The following ADAMTS3 variants were observed in gnomAD, a reference collection of about 807,000 sequenced individuals.
ADAMTS3 encodes the protein ADAM metallopeptidase with thrombospondin type 1 motif 3.
A neutral mutation model predicts 129.0 loss-of-function variants in ADAMTS3; 73 were observed. That is an observed-to-expected ratio of 0.57 (90% CI 0.47 to 0.69). The LOEUF (loss-of-function observed/expected upper bound fraction) is 0.69. ADAMTS3 is among the 30% of genes least tolerant of loss of function. ADAMTS3 has a pLI of 0.00. For synonymous variants in ADAMTS3, 477 were observed against 510.8 expected (o/e 0.93, Z 0.89); for missense variants, 1,457 against 1,514.5 (o/e 0.96, Z 0.63).
intron 3 of ADAMTS3, among the ~76,000 whole-genome samples, chr4:72,533,962 T>G (rs975221581): frequency 2.0e-5 from 3 of 152,184 alleles, no homozygotes; most frequent in African/African-American, 7.2e-5. Flanking sequence ...GGTGCTTTGA[T>G]CTCTTCCTCG....
intron 3 of ADAMTS3, among the ~76,000 whole-genome samples, chr4:72,489,716 T>C (rs1719690801): frequency 6.6e-6 from 1 of 151,932 alleles, no homozygotes; most frequent in South Asian, 2.1e-4. Context: ...TTATTAGTTA[T>C]TTGTATTAAT....
At chr4:72,473,552 G>GA (rs765504651) in intron 3 of ADAMTS3, among the ~76,000 whole-genome samples, 1,553 of 117,198 alleles carry the variant, frequency 0.013, 22 homozygotes, top group African/African-American at 0.033. Flanking sequence ...AAACACCACA[G>GA]AAAAAAAAAA....
intron 18 of ADAMTS3, among the ~76,000 whole-genome samples, chr4:72,297,798 G>A (rs1718846336): frequency 6.6e-6 from 1 of 152,150 alleles, no homozygotes; most frequent in Non-Finnish European, 1.5e-5. Context: ...GCCATTGTGA[G>A]TATTCATGCA....
chr4:72,530,350 T>G (rs1312665788), intron 3 of ADAMTS3, among the ~76,000 whole-genome samples: 1 of 85,118 alleles, frequency 1.2e-5, no homozygotes, highest in Non-Finnish European at 2.0e-5. Flanking sequence ...ATAATATATA[T>G]TAAATTAATA....
At chr4:72,284,880 T>C (rs995412842) in intron 21 of ADAMTS3, among the ~76,000 whole-genome samples, 1 of 152,210 alleles carries the variant, frequency 6.6e-6, no homozygotes, top group Non-Finnish European at 1.5e-5. Context: ...TCATCCTGGG[T>C]ATACCTTATG....
intron 5 of ADAMTS3, 145 bp from the exon 6 acceptor site, chr4:72,323,242 T>A: frequency 1.5e-6 from 1 of 657,298 alleles, no homozygotes; most frequent in Non-Finnish European, 2.7e-6. Flanking sequence ...TGAAAGGTAG[T>A]CATTTACTTT....
chr4:72,544,458 G>A (rs1300734368), intron 3 of ADAMTS3, among the ~76,000 whole-genome samples: 1 of 152,116 alleles, frequency 6.6e-6, no homozygotes, highest in African/African-American at 2.4e-5. Flanking sequence ...ACAGCAATCA[G>A]TGCAACAACT....
chr4:72,437,978 C>T (rs895982321), intron 3 of ADAMTS3, among the ~76,000 whole-genome samples: 1 of 151,640 alleles, frequency 6.6e-6, no homozygotes, highest in Non-Finnish European at 1.5e-5. Flanking sequence ...CTGTTTCTGT[C>T]GTTTTGAGTT....
intron 3 of ADAMTS3, among the ~76,000 whole-genome samples, chr4:72,517,687 C>T (rs1471358330): frequency 6.6e-6 from 1 of 151,968 alleles, no homozygotes; most frequent in Non-Finnish European, 1.5e-5. Context: ...GTGATATCCC[C>T]TTTATCATTT....
chr4:72,382,561 T>C (rs1721321627), intron 4 of ADAMTS3, among the ~76,000 whole-genome samples: 1 of 152,156 alleles, frequency 6.6e-6, no homozygotes, highest in African/African-American at 2.4e-5. Flanking sequence ...GAAACAGTTT[T>C]ATCAAGAAGA....
chr4:72,501,416 C>G (rs967031065), intron 3 of ADAMTS3, among the ~76,000 whole-genome samples: 1 of 152,018 alleles, frequency 6.6e-6, no homozygotes, highest in African/African-American at 2.4e-5. Flanking sequence ...TGGCTCGCAG[C>G]TTAAACATTA....
At chr4:72,319,806 G>A in intron 8 of ADAMTS3, 52 bp downstream of exon 8, 1 of 1,394,196 alleles carries the variant, frequency 7.2e-7, no homozygotes. Context: ...ACTGGGAGAA[G>A]CAGGAAAGAA....
At chr4:72,476,438 C>T (rs1719234662) in intron 3 of ADAMTS3, among the ~76,000 whole-genome samples, 1 of 152,046 alleles carries the variant, frequency 6.6e-6, no homozygotes, top group African/African-American at 2.4e-5. Flanking sequence ...ATAATTTAAA[C>T]ATCCTTGTAA....
chr4:72,328,666 C>A lies in ADAMTS3; in HGVS notation c.862-5569G>T, dbSNP rs115154793. Among the ~76,000 whole-genome samples the A allele has an allele frequency of 5.4e-3, 813 of 149,892 alleles. 11 individuals carry two copies. The highest frequency in any genetic ancestry group is 0.019 in the African/African-American group (782 of 41,246). On this transcript the variant is annotated intron_variant, in intron 5 of 21. Transcript: ENST00000286657. The stretch of plus-strand genomic sequence containing the variant: ...AGGAATAAATGAGTTCATATAGGTA[C>A]AGTACTTGATGCTTGGCCCTTGCAA...
intron 11 of ADAMTS3, among the ~76,000 whole-genome samples, chr4:72,314,462 G>T (rs900967085): frequency 4.0e-4 from 61 of 152,120 alleles, no homozygotes; most frequent in African/African-American, 1.4e-3. Flanking sequence ...TAATACTATA[G>T]AGGCACCTAG....
chr4:72,402,185 T>C (rs1721941931), intron 4 of ADAMTS3, among the ~76,000 whole-genome samples: 1 of 152,200 alleles, frequency 6.6e-6, no homozygotes, highest in Non-Finnish European at 1.5e-5. Flanking sequence ...TCATTGTATC[T>C]TGAATCAAAA....
intron 4 of ADAMTS3, among the ~76,000 whole-genome samples, chr4:72,410,325 G>A (rs1722155702): frequency 6.6e-6 from 1 of 152,038 alleles, no homozygotes; most frequent in Non-Finnish European, 1.5e-5. Flanking sequence ...TCCCACCTGG[G>A]ACAAAAACAC....
intron 3 of ADAMTS3, among the ~76,000 whole-genome samples, chr4:72,505,462 C>T (rs1270368073): frequency 6.6e-6 from 1 of 152,178 alleles, no homozygotes; most frequent in African/African-American, 2.4e-5. Context: ...AGGGTATATG[C>T]TTGATCCTTG....
chr4:72,418,529 C>T (rs2109930861), intron 3 of ADAMTS3, among the ~76,000 whole-genome samples: 1 of 152,278 alleles, frequency 6.6e-6, no homozygotes, highest in Middle Eastern at 3.4e-3. Context: ...ATATAAGCTT[C>T]CAGTATTCCT....
Sources: allele counts gnomAD v4.1 joint callset (sites outside exome capture counted in the v4.1 genomes callset), GRCh38; gene constraint gnomAD v4.1.1; transcripts MANE v1.5; gene names NCBI Gene and HGNC (gene_info 2026-07-23, HGNC 2026-07-21).